The following BMPR1A variants were observed in gnomAD, a reference collection of about 807,000 sequenced individuals.
BMPR1A encodes the protein bone morphogenetic protein receptor type-1A.
In BMPR1A, 7 loss-of-function variants were observed where a neutral mutation model predicts 66.0. That is an observed-to-expected ratio of 0.11 (90% CI 0.06 to 0.20). The LOEUF (loss-of-function observed/expected upper bound fraction) is 0.20, where lower values mean the gene tolerates loss of function less well. Among genes scored for constraint, BMPR1A ranks in the 10% least tolerant of loss-of-function variants. The pLI, the probability that BMPR1A is intolerant of heterozygous loss-of-function variation, is 1.00. For synonymous variants in BMPR1A, 200 were observed against 229.7 expected, an observed-to-expected ratio of 0.87 and a Z score of 1.17; for missense variants, 408 against 669.1, an observed-to-expected ratio of 0.61 and a Z score of 4.31.
At chr10:86,757,566 A>T (rs1847897219) in intron 1 of BMPR1A, among the ~76,000 whole-genome samples, 1 of 152,226 alleles carries the variant, frequency 6.6e-6, no homozygotes, top group Non-Finnish European at 1.5e-5. Flanking sequence ...AGCTTGCGTC[A>T]GGGAAGAAAA....
At chr10:86,809,525 C>T (rs1841938175) in intron 1 of BMPR1A, among the ~76,000 whole-genome samples, 2 of 151,394 alleles carry the variant, frequency 1.3e-5, no homozygotes, top group Admixed American at 1.3e-4. Flanking sequence ...AATTCCTGGG[C>T]TCAAGTGATC....
intron 5 of BMPR1A, among the ~76,000 whole-genome samples, chr10:86,896,671 TA>T (rs544457976): frequency 3.3e-5 from 5 of 152,188 alleles, no homozygotes; most frequent in Non-Finnish European, 5.9e-5. Context: ...CTGAATGCAT[TA>T]AAAAATGATG....
At chr10:86,873,378 A>G (rs1842877252) in intron 2 of BMPR1A, among the ~76,000 whole-genome samples, 1 of 152,026 alleles carries the variant, frequency 6.6e-6, no homozygotes, top group Non-Finnish European at 1.5e-5. Context: ...GCTTGAGGCC[A>G]GGAGTTTGAG....
At chr10:86,816,873 C>T (rs1031736889) in intron 1 of BMPR1A, among the ~76,000 whole-genome samples, 3 of 152,120 alleles carry the variant, frequency 2.0e-5, no homozygotes, top group Non-Finnish European at 4.4e-5. Context: ...ACACCAGACA[C>T]TGGTGGAAAA....
intron 2 of BMPR1A, chr10:86,855,889 A>G (rs776457164): frequency 2.2e-5 from 15 of 688,818 alleles, no homozygotes; most frequent in Non-Finnish European, 3.6e-5. Context: ...TAGAAGATTC[A>G]TATTGCTTTT....
At chr10:86,806,401 A>G (rs574045564) in intron 1 of BMPR1A, among the ~76,000 whole-genome samples, 1 of 152,286 alleles carries the variant, frequency 6.6e-6, no homozygotes, top group South Asian at 2.1e-4. Flanking sequence ...TAGTTGTAGA[A>G]TGGTGATTTT....
At chr10:86,841,591 T>G (rs374984501) in intron 2 of BMPR1A, among the ~76,000 whole-genome samples, 1 of 152,226 alleles carries the variant, frequency 6.6e-6, no homozygotes, top group Non-Finnish European at 1.5e-5. Flanking sequence ...AAAATACATA[T>G]GTGTTTTTGA....
chr10:86,855,879 T>C, intron 2 of BMPR1A: 1 of 711,330 alleles, frequency 1.4e-6, no homozygotes, highest in Non-Finnish European at 2.5e-6. Context: ...GAACAATTGC[T>C]AGAAGATTCA....
At chr10:86,860,016 T>C (rs1450239968) in intron 2 of BMPR1A, among the ~76,000 whole-genome samples, 1 of 151,978 alleles carries the variant, frequency 6.6e-6, no homozygotes, top group East Asian at 1.9e-4. Context: ...ATCTAAAATG[T>C]CCATCAACAT....
chr10:86,850,903 A>G (rs2133180093), intron 2 of BMPR1A, among the ~76,000 whole-genome samples: 1 of 152,346 alleles, frequency 6.6e-6, no homozygotes, highest in South Asian at 2.1e-4. Context: ...TTCAGTACCA[A>G]TATGAGAAAG....
At chr10:86,775,705 A>G (rs535264765) in intron 1 of BMPR1A, among the ~76,000 whole-genome samples, 2 of 152,122 alleles carry the variant, frequency 1.3e-5, no homozygotes, top group South Asian at 2.1e-4. Context: ...AACAATGGCA[A>G]CAATACAGAA....
chr10:86,806,063 AGT>A (rs1564690854), intron 1 of BMPR1A, among the ~76,000 whole-genome samples: 1 of 152,042 alleles, frequency 6.6e-6, no homozygotes, highest in African/African-American at 2.4e-5. Flanking sequence ...ACACCAGGCC[AGT>A]TATTTTCTAG....
At chr10:86,889,508 C>T (rs1843117407) in intron 3 of BMPR1A, 1 of 152,866 alleles carries the variant, frequency 6.5e-6, no homozygotes, top group Admixed American at 6.5e-5. Flanking sequence ...TGATTGGAAA[C>T]TCTCACAGAC....
chr10:86,824,554 G>C (rs1842166889), intron 1 of BMPR1A, among the ~76,000 whole-genome samples: 1 of 152,114 alleles, frequency 6.6e-6, no homozygotes. Flanking sequence ...GCCTTTTGGA[G>C]GAAATATTGC....
At chr10:86,913,318 G>A (rs995657994) in intron 8 of BMPR1A, among the ~76,000 whole-genome samples, 1 of 140,232 alleles carries the variant, frequency 7.1e-6, no homozygotes, top group African/African-American at 2.7e-5. Flanking sequence ...TTTGAGGGAT[G>A]AGGTTTCTCC....
intron 1 of BMPR1A, among the ~76,000 whole-genome samples, chr10:86,795,567 G>A (rs1265164212): frequency 6.6e-6 from 1 of 152,094 alleles, no homozygotes; most frequent in Admixed American, 6.6e-5. Flanking sequence ...TTGTTCCTGA[G>A]CCTACCACTG....
At chr10:86,785,593 C>T (rs776765477) in intron 1 of BMPR1A, among the ~76,000 whole-genome samples, 2 of 152,202 alleles carry the variant, frequency 1.3e-5, no homozygotes, top group Non-Finnish European at 2.9e-5. Flanking sequence ...TGAGCCACTG[C>T]GCCCGGCCGG....
intron 9 of BMPR1A, 22 bp downstream of exon 9, chr10:86,917,348 C>A (rs1339252889): frequency 1.2e-5 from 19 of 1,613,404 alleles, no homozygotes; most frequent in South Asian, 2.2e-5. Context: ...CTGATTCAGT[C>A]AATTTCATTT....
chr10:86,768,909 A>G (rs528258676), intron 1 of BMPR1A, among the ~76,000 whole-genome samples: 81 of 137,258 alleles, frequency 5.9e-4, no homozygotes, highest in African/African-American at 2.8e-3. Flanking sequence ...TGATGAGTGC[A>G]GTTCAGTGCT....
Sources: gnomAD v4.1 joint callset for allele counts (sites outside exome capture counted in the v4.1 genomes callset) on GRCh38, gnomAD v4.1.1 for gene constraint, MANE v1.5 for transcripts, NCBI Gene and HGNC (gene_info 2026-07-23, HGNC 2026-07-21) for gene names.